The following BLVRA variants were observed in gnomAD, a reference collection of about 807,000 sequenced individuals.
BLVRA encodes biliverdin reductase A, also known as BVR A.
A neutral mutation model predicts 32.8 loss-of-function variants in BLVRA; 22 were observed. That is an observed-to-expected ratio of 0.67 (90% CI 0.48 to 0.96). The LOEUF (loss-of-function observed/expected upper bound fraction) is 0.96, where lower values mean the gene tolerates loss of function less well. Ranked by LOEUF, BLVRA falls within the 40% of genes least tolerant of loss-of-function variation. The pLI is 0.00. For missense variants in BLVRA, 323 were observed against 358.1 expected, an observed-to-expected ratio of 0.90 and a Z score of 0.79; for synonymous variants, 119 against 141.3, an observed-to-expected ratio of 0.84 and a Z score of 1.12.
intron 1 of BLVRA, among the ~76,000 whole-genome samples, chr7:43,760,895 A>G (rs1347266858): frequency 6.6e-6 from 1 of 152,044 alleles, no homozygotes; most frequent in Non-Finnish European, 1.5e-5. Context: ...CAGCTTCCTA[A>G]GTAGCTGGGA....
chr7:43,770,314 G>C (rs983810334), intron 1 of BLVRA, among the ~76,000 whole-genome samples: 2 of 152,154 alleles, frequency 1.3e-5, no homozygotes, highest in Non-Finnish European at 2.9e-5. Context: ...TCTAACAAGT[G>C]AGAGAAAAAA....
chr7:43,773,088 C>T (rs2095756420), intron 2 of BLVRA, among the ~76,000 whole-genome samples: 1 of 152,154 alleles, frequency 6.6e-6, no homozygotes, highest in African/African-American at 2.4e-5. Context: ...AATGACACCT[C>T]ACATCTTGTC....
chr7:43,772,795 C>T (rs1287322109), intron 2 of BLVRA, among the ~76,000 whole-genome samples: 4 of 152,186 alleles, frequency 2.6e-5, no homozygotes, highest in African/African-American at 7.2e-5. Context: ...ATCATGAGAA[C>T]GGCATGGGGG....
chr7:43,805,074 C>T (rs919674176), intron 7 of BLVRA, among the ~76,000 whole-genome samples: 1 of 152,058 alleles, frequency 6.6e-6, no homozygotes, highest in Non-Finnish European at 1.5e-5. Flanking sequence ...AGGATTGCAG[C>T]CGTGGTCAGA....
At chr7:43,786,917 C>A (rs1341766740) in intron 2 of BLVRA, among the ~76,000 whole-genome samples, 1 of 149,740 alleles carries the variant, frequency 6.7e-6, no homozygotes, top group South Asian at 2.1e-4. Context: ...TTAAGGGATG[C>A]ATGGAGATAA....
At chr7:43,783,145 A>G (rs943258358) in intron 2 of BLVRA, among the ~76,000 whole-genome samples, 7 of 152,166 alleles carry the variant, frequency 4.6e-5, no homozygotes, top group Non-Finnish European at 1.0e-4. Flanking sequence ...TATATTTTAG[A>G]TAGTGAATAC....
chr7:43,804,030 C>G (rs1219744379), intron 7 of BLVRA, among the ~76,000 whole-genome samples, 183 bp downstream of exon 7: 1 of 152,176 alleles, frequency 6.6e-6, no homozygotes, highest in Non-Finnish European at 1.5e-5. Flanking sequence ...TCTCAGCAGC[C>G]CTGTGAGGTA....
intron 2 of BLVRA, among the ~76,000 whole-genome samples, chr7:43,782,577 C>A (rs1262110480): frequency 6.6e-6 from 1 of 152,070 alleles, no homozygotes; most frequent in Non-Finnish European, 1.5e-5. Context: ...GAGGATGGCC[C>A]ACAGCTCAGG....
intron 2 of BLVRA, among the ~76,000 whole-genome samples, chr7:43,776,221 T>C (rs2095760793): frequency 6.6e-6 from 1 of 152,196 alleles, no homozygotes; most frequent in Admixed American, 6.5e-5. Context: ...CTAGTTCTTT[T>C]AATTGTGATG....
At chr7:43,800,675 ACT>A (rs761065701) in intron 6 of BLVRA, 103 bp downstream of exon 6, 2 of 1,052,890 alleles carry the variant, frequency 1.9e-6, no homozygotes, top group South Asian at 2.7e-5. Context: ...TCTGCTCAAG[ACT>A]CTCTGACTCA....
At chr7:43,780,218 C>A (rs1167127004) in intron 2 of BLVRA, among the ~76,000 whole-genome samples, 2 of 152,138 alleles carry the variant, frequency 1.3e-5, no homozygotes, top group Non-Finnish European at 2.9e-5. Context: ...CCGTTATAAC[C>A]CAGGCTGTAC....
chr7:43,768,295 C>T (rs371424553), intron 1 of BLVRA, among the ~76,000 whole-genome samples: 95 of 152,244 alleles, frequency 6.2e-4, no homozygotes, highest in African/African-American at 2.1e-3. Flanking sequence ...GTTTGACCGT[C>T]GTTGTTGCTT....
At chr7:43,777,085 A>T (rs1281361083) in intron 2 of BLVRA, among the ~76,000 whole-genome samples, 1 of 149,818 alleles carries the variant, frequency 6.7e-6, no homozygotes, top group Non-Finnish European at 1.5e-5. Flanking sequence ...ATGGGTCTTG[A>T]CTCTTTATCC....
At position 43,800,274 on chromosome 7, in the gene BLVRA, G is replaced by T; in HGVS notation, c.353-191G>T. The stretch of plus-strand genomic sequence containing the variant: ...CCTGGCCTTCATTTCATTCATTTCT[G>T]TTGTAAGCTTAGAAGTAGCAGCCTC... On this transcript the variant is annotated intron_variant, in intron 5 of 7. Transcript: ENST00000265523. The T allele has an allele frequency of 5.0e-6, 3 of 599,026 alleles. No homozygotes were observed. In the South Asian group the frequency reaches 5.3e-5, roughly 11 times the overall value. The allele number at this position is 599,026 out of a possible 1,614,324, so 37.1% of individuals were successfully genotyped here. A position where few individuals can be genotyped will look rare whatever the true frequency, so the allele number is the denominator to read the frequency against.
At chr7:43,776,442 T>C (rs996918193) in intron 2 of BLVRA, among the ~76,000 whole-genome samples, 23 of 152,216 alleles carry the variant, frequency 1.5e-4, no homozygotes, top group Non-Finnish European at 2.9e-4. Flanking sequence ...TTCCATGTAG[T>C]TGAGCAGTTT....
chr7:43,781,371 A>T (rs1289620783), intron 2 of BLVRA, among the ~76,000 whole-genome samples: 1 of 151,990 alleles, frequency 6.6e-6, no homozygotes, highest in Non-Finnish European at 1.5e-5. Flanking sequence ...TTCCTGAAAC[A>T]GTCTCACCCT....
chr7:43,770,141 TCTGCAAG>T (rs1196142130), intron 1 of BLVRA, among the ~76,000 whole-genome samples: 5 of 152,150 alleles, frequency 3.3e-5, no homozygotes, highest in African/African-American at 1.2e-4. Flanking sequence ...CCTTCTGCCC[TCTGCAAG>T]CTAGGAGTGG....
intron 5 of BLVRA, among the ~76,000 whole-genome samples, chr7:43,799,248 T>G (rs1467516426): frequency 1.3e-5 from 2 of 152,172 alleles, no homozygotes; most frequent in African/African-American, 4.8e-5. Flanking sequence ...TTGGCAGTAT[T>G]TGCTGTGATG....
intron 1 of BLVRA, chr7:43,767,377 C>A: frequency 2.5e-6 from 4 of 1,600,896 alleles, no homozygotes; most frequent in Non-Finnish European, 3.4e-6. Flanking sequence ...ACTGAAGACG[C>A]TCCTGTTCTT....
Sources: gnomAD v4.1 joint callset for allele counts (sites outside exome capture counted in the v4.1 genomes callset) on GRCh38, gnomAD v4.1.1 for gene constraint, MANE v1.5 for transcripts, NCBI Gene and HGNC (gene_info 2026-07-23, HGNC 2026-07-21) for gene names.